Variants in SNX13 observed in about 807,000 individuals in gnomAD.
SNX13 encodes the protein sorting nexin 13.
A neutral mutation model predicts 133.6 loss-of-function variants in SNX13; 45 were observed. The observed-to-expected ratio is 0.34, with a 90% CI of 0.27 to 0.43. The LOEUF is 0.43. Ranked by LOEUF, SNX13 falls within the 20% of genes least tolerant of loss-of-function variation. SNX13 has a pLI of 1.00. For synonymous variants in SNX13, 414 were observed against 373.9 expected, an observed-to-expected ratio of 1.11 and a Z score of -1.24; for missense variants, 1,032 against 1,145.1, an observed-to-expected ratio of 0.90 and a Z score of 1.43.
chr7:17,831,964 T>C, intron 15 of SNX13: 1 of 983,328 alleles, frequency 1.0e-6, no homozygotes, highest in Non-Finnish European at 1.2e-6. Flanking sequence ...CTCCATATAC[T>C]TTTTTTGAAT....
At chr7:17,814,010 T>G (rs1391010354) in intron 20 of SNX13, among the ~76,000 whole-genome samples, 1 of 152,188 alleles carries the variant, frequency 6.6e-6, no homozygotes, top group South Asian at 2.1e-4. Context: ...CATTTTCATT[T>G]TGAAATAATT....
Position 17,798,700 on chromosome 7 carries a change from T to G in SNX13, c.2503A>C (p.Lys835Gln). The G allele has an allele frequency of 6.3e-7, 1 of 1,577,786 alleles. No homozygotes were observed. The highest frequency in any genetic ancestry group is 1.2e-5 in the South Asian group (1 of 84,904). Residue 835 changes from lysine (K) to glutamine (Q), a missense_variant, in exon 24 of 26, where the codon AAA (lysine) becomes CAA (glutamine). Physicochemically the swap from Lys to Gln is moderately conservative, Grantham distance 53. Coordinates refer to ENST00000428135, the MANE Select transcript of SNX13 (RefSeq NM_015132.5). ...TSPEQVADSV[K>Q]RFRDAFWPNG... Reference sequence around the variant, plus strand: ...TGTCTTAAGATATACCTGAAACGTTTCACTGAGTCGGCTACTTGTTCAGGT... The same window carrying G: ...TGTCTTAAGATATACCTGAAACGTTGCACTGAGTCGGCTACTTGTTCAGGT...
chr7:17,818,611 T>C (rs1327498539), intron 18 of SNX13, among the ~76,000 whole-genome samples: 3 of 152,100 alleles, frequency 2.0e-5, no homozygotes, highest in African/African-American at 7.2e-5. Context: ...CTGCCAAAAA[T>C]TCATGAAAAT....
intron 20 of SNX13, among the ~76,000 whole-genome samples, chr7:17,808,660 C>T (rs1785611036): frequency 1.3e-5 from 2 of 152,124 alleles, no homozygotes; most frequent in Non-Finnish European, 2.9e-5. Flanking sequence ...TTGTCAGATT[C>T]ACCAAGGTTG....
At chr7:17,919,400 C>T (rs1467348878) in intron 1 of SNX13, among the ~76,000 whole-genome samples, 1 of 152,134 alleles carries the variant, frequency 6.6e-6, no homozygotes, top group Non-Finnish European at 1.5e-5. Flanking sequence ...AAAGCAGCTT[C>T]GAATATATTC....
At chr7:17,825,317 T>C (rs1787783683) in intron 17 of SNX13, among the ~76,000 whole-genome samples, 1 of 141,572 alleles carries the variant, frequency 7.1e-6, no homozygotes, top group Non-Finnish European at 1.5e-5. Flanking sequence ...GACTATAAAA[T>C]CTCTTCAGTG....
At chr7:17,904,338 T>C (rs1207623897) in intron 1 of SNX13, among the ~76,000 whole-genome samples, 2 of 152,210 alleles carry the variant, frequency 1.3e-5, no homozygotes, top group Non-Finnish European at 2.9e-5. Flanking sequence ...ATCTCTCAAG[T>C]CTAGTTGTAG....
intron 1 of SNX13, among the ~76,000 whole-genome samples, chr7:17,933,685 G>T (rs560358154): frequency 9.9e-5 from 15 of 150,816 alleles, no homozygotes; most frequent in Non-Finnish European, 1.8e-4. Flanking sequence ...CACTAGCCAG[G>T]AGACTCCCCT....
Position 17,940,394 on chromosome 7 carries a change from C to T in SNX13, c.-99G>A. On this transcript the variant is annotated 5_prime_UTR_variant, in exon 1 of 26. Transcript: ENST00000428135. ...CTCGGGCCGCCGCCAACGGCGGCAA[C>T]TGCTCCTTCAGTCTTCTCCCGGGCG... 1 of 1,378,042 alleles carries T rather than the reference C, an allele frequency of 7.3e-7. No homozygotes were observed. Among genetic ancestry groups the T allele is most frequent in the Non-Finnish European group, 1.0e-6 (1 of 992,498 alleles). 85.4% of individuals were successfully genotyped at this position (1,378,042 alleles called of 1,614,324 possible).
Position 17,893,416 on chromosome 7 carries a change from G to A in SNX13, c.144C>T (p.Leu48=). The A allele has an allele frequency of 6.4e-7, 1 of 1,561,088 alleles. No homozygotes were observed. Among genetic ancestry groups the A allele is most frequent in the Non-Finnish European group, 8.7e-7 (1 of 1,151,232 alleles). The change falls in exon 3 of 26, where the codon CTC becomes CTT. Residue 48 remains leucine, a synonymous_variant. Transcript: ENST00000428135. ...TCTCTGAGTTTGTTTTTCCAAACAG[G>A]AGAGTAACCACTAAACCCCTAGAAA... is the stretch of plus-strand genomic sequence containing the variant. The part of the protein sequence containing the change: ...CFVGGGLVVT[L]LFGKTNSEKY...
At chr7:17,805,246 T>TGC (rs1255822051) in intron 20 of SNX13, among the ~76,000 whole-genome samples, 103 of 100,242 alleles carry the variant, frequency 1.0e-3, no homozygotes, top group African/African-American at 3.1e-3. Flanking sequence ...TGTGTGTGTG[T>TGC]GTGTGCGTGC....
At chr7:17,855,764 T>C (rs535276784) in intron 9 of SNX13, among the ~76,000 whole-genome samples, 1 of 152,334 alleles carries the variant, frequency 6.6e-6, no homozygotes, top group South Asian at 2.1e-4. Context: ...ATCAATGTTG[T>C]TTTCATGCCT....
chr7:17,877,756 T>C (rs1794889496), intron 5 of SNX13, among the ~76,000 whole-genome samples: 1 of 152,034 alleles, frequency 6.6e-6, no homozygotes. Flanking sequence ...TTAAATTTGA[T>C]GTACAGATTT....
intron 9 of SNX13, among the ~76,000 whole-genome samples, chr7:17,863,356 G>A (rs897009938): frequency 3.9e-5 from 6 of 152,144 alleles, no homozygotes; most frequent in African/African-American, 1.4e-4. Flanking sequence ...ATGGTGGCCA[G>A]CAGAGTGTCT....
At chr7:17,931,293 A>C (rs1349280664) in intron 1 of SNX13, among the ~76,000 whole-genome samples, 1 of 152,232 alleles carries the variant, frequency 6.6e-6, no homozygotes, top group Non-Finnish European at 1.5e-5. Flanking sequence ...AAAATACAAT[A>C]TTACAGCTTG....
At chr7:17,874,961 A>C (rs1159842511) in intron 7 of SNX13, among the ~76,000 whole-genome samples, 2 of 152,252 alleles carry the variant, frequency 1.3e-5, no homozygotes, top group African/African-American at 4.8e-5. Context: ...AAAAAAATTC[A>C]GTCATAAAAT....
rs1207103089 is a variant in SNX13 at position 17,830,795 on chromosome 7, AAT to A, written c.1598-750_1598-749del. 4.1e-5 allele frequency: 40 copies of A among 982,926 alleles called. No individual in the cohort carries two copies. In the African/African-American group the frequency reaches 6.1e-4, roughly 15 times the overall value. The allele number at this position is 982,926 out of a possible 1,614,324, so 60.9% of individuals were successfully genotyped here. A position where few individuals can be genotyped will look rare whatever the true frequency, so the allele number is the denominator to read the frequency against. On this transcript the variant is annotated intron_variant, in intron 15 of 25. Transcript: ENST00000428135. Reference sequence around the variant, plus strand: ...CACACAAACAAATCTATGGTAAAGCAATATTCATACACAGTTTAATATATGGT... The same window carrying A: ...CACACAAACAAATCTATGGTAAAGCAATTCATACACAGTTTAATATATGGT...
chr7:17,844,635 T>C (rs1790281620), intron 12 of SNX13, among the ~76,000 whole-genome samples: 1 of 151,558 alleles, frequency 6.6e-6, no homozygotes, highest in Non-Finnish European at 1.5e-5. Context: ...AATATAGATG[T>C]AAAAATCCTC....
At chr7:17,805,416 T>C (rs1785180089) in intron 20 of SNX13, among the ~76,000 whole-genome samples, 1 of 152,150 alleles carries the variant, frequency 6.6e-6, no homozygotes, top group Non-Finnish European at 1.5e-5. Flanking sequence ...CATGAGAATA[T>C]AGCGTAGAAT....
Sources: gnomAD v4.1 joint callset for allele counts (sites outside exome capture counted in the v4.1 genomes callset) on GRCh38, gnomAD v4.1.1 for gene constraint, MANE v1.5 for transcripts, NCBI Gene and HGNC (gene_info 2026-07-23, HGNC 2026-07-21) for gene names.